The following TNFSF10 variants were observed in gnomAD, a reference collection of about 807,000 sequenced individuals.
TNFSF10 encodes TNF superfamily member 10.
A neutral mutation model predicts 29.5 loss-of-function variants in TNFSF10; 13 were observed. The ratio of observed to expected loss-of-function variants is 0.44; its 90% CI spans 0.29 to 0.70. The LOEUF is 0.70. TNFSF10 is among the 30% of genes least tolerant of loss of function. The pLI, the probability that TNFSF10 is intolerant of heterozygous loss-of-function variation, is 0.13. For synonymous variants in TNFSF10, 111 were observed against 112.8 expected (o/e 0.98, Z 0.10); for missense variants, 345 against 330.9 (o/e 1.04, Z -0.33).
intron 2 of TNFSF10, among the ~76,000 whole-genome samples, chr3:172,513,279 T>C (rs1382967942): frequency 2.0e-5 from 3 of 152,198 alleles, no homozygotes; most frequent in Non-Finnish European, 4.4e-5. Flanking sequence ...TCTGCCCTGC[T>C]GGACAATCGC....
chr3:172,520,022 G>C (rs1369857960), intron 1 of TNFSF10, among the ~76,000 whole-genome samples: 1 of 152,218 alleles, frequency 6.6e-6, no homozygotes, highest in Non-Finnish European at 1.5e-5. Context: ...GTCTGAACTT[G>C]AGTACATTAT....
chr3:172,516,061 G>A (rs916441656), intron 1 of TNFSF10, among the ~76,000 whole-genome samples: 1 of 152,132 alleles, frequency 6.6e-6, no homozygotes, highest in African/African-American at 2.4e-5. Flanking sequence ...AGGAGATCGA[G>A]ACCATCCTGG....
intron 1 of TNFSF10, among the ~76,000 whole-genome samples, chr3:172,516,451 G>A (rs1475654341): frequency 1.3e-5 from 2 of 152,090 alleles, no homozygotes; most frequent in Non-Finnish European, 2.9e-5. Flanking sequence ...GTTTATGAGA[G>A]GTCCCAGCTA....
At chr3:172,511,943 G>A (rs1713241416) in intron 2 of TNFSF10, among the ~76,000 whole-genome samples, 1 of 152,248 alleles carries the variant, frequency 6.6e-6, no homozygotes, top group Non-Finnish European at 1.5e-5. Flanking sequence ...AGCAGTGCAG[G>A]AGGAAGAAGC....
intron 1 of TNFSF10, among the ~76,000 whole-genome samples, chr3:172,520,278 A>G (rs943245149): frequency 6.6e-6 from 1 of 152,232 alleles, no homozygotes; most frequent in Non-Finnish European, 1.5e-5. Flanking sequence ...CAATTTGTAC[A>G]TGGACCATCC....
intron 1 of TNFSF10, among the ~76,000 whole-genome samples, chr3:172,520,593 G>A (rs77571567): frequency 0.013 from 1,927 of 152,258 alleles, 48 homozygotes; most frequent in African/African-American, 0.044. Flanking sequence ...CTGCATATTC[G>A]TGGTGCCTAC....
At chr3:172,518,500 C>G (rs755801728) in intron 1 of TNFSF10, 1 of 1,275,132 alleles carries the variant, frequency 7.8e-7, no homozygotes, top group Non-Finnish European at 1.0e-6. Flanking sequence ...TATGGAGATC[C>G]GTGGAGAGGA....
chr3:172,513,905 C>G (rs919458510), intron 2 of TNFSF10, among the ~76,000 whole-genome samples: 3 of 150,744 alleles, frequency 2.0e-5, no homozygotes, highest in Non-Finnish European at 4.4e-5. Context: ...GTGGCATGAT[C>G]TCAGCTCACT....
Position 172,523,303 on chromosome 3 carries a change from A to G in TNFSF10, c.82T>C (p.Ser28Pro), listed in dbSNP as rs202163509. ...LIVIFTVLLQSLCVAVTYVYF... is the reference protein window; with the variant it reads ...LIVIFTVLLQPLCVAVTYVYF... ...ACGTAAGTTACAGCCACACAGAGAG[A>G]CTGCAGGAGCACTGTGAAGATCACG... Residue 28 changes from serine (S) to proline (P), a missense_variant, in exon 1 of 5, where the codon TCT becomes CCT. Transcript: ENST00000241261. The G allele has an allele frequency of 6.2e-7, 1 of 1,614,024 alleles. No homozygotes were observed. Among genetic ancestry groups the G allele is most frequent in the East Asian group, 2.2e-5 (1 of 44,874 alleles).
intron 3 of TNFSF10, among the ~76,000 whole-genome samples, chr3:172,509,996 A>T (rs887367357): frequency 1.4e-5 from 2 of 143,184 alleles, no homozygotes; most frequent in African/African-American, 5.2e-5. Flanking sequence ...AAAAAAAAAA[A>T]GAAATGTAAC....
At chr3:172,518,953 G>A (rs1466046247) in intron 1 of TNFSF10, among the ~76,000 whole-genome samples, 1 of 152,122 alleles carries the variant, frequency 6.6e-6, no homozygotes, top group African/African-American at 2.4e-5. Context: ...AAAAAAGTAG[G>A]TGCTTCAATT....
intron 1 of TNFSF10, chr3:172,522,500 C>G: frequency 1.0e-6 from 1 of 992,368 alleles, no homozygotes; most frequent in Non-Finnish European, 1.6e-6. Flanking sequence ...TTAAAACCTG[C>G]TGCACATTGG....
chr3:172,514,860 CCTTT>C lies in TNFSF10; in HGVS notation c.267_270del (p.Lys90Ter). 1 of 1,614,150 alleles carries C rather than the reference CCTTT, an allele frequency of 6.2e-7. No individual in the cohort carries two copies. The highest frequency in any genetic ancestry group is 8.5e-7 in the Non-Finnish European group (1 of 1,180,002). ...TGAGGTCACCTGGTGAGGTTACCTA[CCTTT>C]CTAACGAGCTGACGGAGTTGCCACT... On this transcript the variant is annotated frameshift_variant and splice_region_variant, in exon 2 of 5. Coordinates refer to ENST00000241261, the MANE Select transcript of TNFSF10 (RefSeq NM_003810.4). LOFTEE classifies it high-confidence loss of function.
Position 172,511,340 on chromosome 3 carries a change from T to C in TNFSF10, c.313+277A>G, listed in dbSNP as rs1018603687. 1.7e-5 allele frequency: 5 copies of C among 299,760 alleles called. No homozygotes were observed. The Admixed American group carries it at 2.0e-4, about 12-fold the overall frequency. 18.6% of individuals were successfully genotyped at this position (299,760 alleles called of 1,614,324 possible). ...TAACACATTAGAAGGTAGAAACTAA[T>C]AAGTGAAGAAATTAAGGTGAAAGGA... On this transcript the variant is annotated intron_variant, in intron 3 of 4. Coordinates refer to ENST00000241261, the MANE Select transcript of TNFSF10 (RefSeq NM_003810.4).
intron 1 of TNFSF10, among the ~76,000 whole-genome samples, chr3:172,521,783 T>A (rs1713707830): frequency 1.3e-5 from 2 of 152,186 alleles, no homozygotes; most frequent in East Asian, 1.9e-4. Context: ...AGCAAAGACT[T>A]GGAACCAACC....
chr3:172,511,796 C>A, intron 2 of TNFSF10, 137 bp from the exon 3 acceptor site: 1 of 652,646 alleles, frequency 1.5e-6, no homozygotes. Context: ...TTAAGTTGGT[C>A]AAGCATAGGG....
At chr3:172,513,585 C>G (rs142892506) in intron 2 of TNFSF10, among the ~76,000 whole-genome samples, 2 of 152,346 alleles carry the variant, frequency 1.3e-5, no homozygotes, top group South Asian at 2.1e-4. Context: ...TGTCAGGGCT[C>G]TACTGTGAAA....
At chr3:172,523,219 G>A (rs748090261) in intron 1 of TNFSF10, 34 bp downstream of exon 1, 55 of 1,543,932 alleles carry the variant, frequency 3.6e-5, no homozygotes, top group Non-Finnish European at 4.6e-5. Context: ...TTTGCTAAGC[G>A]CCTCGAAGAC....
At chr3:172,513,446 G>T (rs148533441) in intron 2 of TNFSF10, among the ~76,000 whole-genome samples, 6 of 152,172 alleles carry the variant, frequency 3.9e-5, no homozygotes, top group Non-Finnish European at 8.8e-5. Flanking sequence ...AGCTGCTTCC[G>T]TACAGCTTGT....
Sources: gnomAD v4.1 joint callset for allele counts (sites outside exome capture counted in the v4.1 genomes callset) on GRCh38, gnomAD v4.1.1 for gene constraint, MANE v1.5 for transcripts, NCBI Gene and HGNC (gene_info 2026-07-23, HGNC 2026-07-21) for gene names.